PTPN13: variants seen among roughly 807,000 people sequenced by gnomAD.
The protein encoded by PTPN13 is tyrosine-protein phosphatase non-receptor type 13.
A neutral mutation model predicts 284.0 loss-of-function variants in PTPN13; 191 were observed. The observed-to-expected ratio is 0.67, with a 90% CI of 0.60 to 0.76. PTPN13 has a LOEUF of 0.76. Ranked by LOEUF, PTPN13 falls within the 30% of genes least tolerant of loss-of-function variation. The pLI, the probability that PTPN13 is intolerant of heterozygous loss-of-function variation, is 0.00. For synonymous variants in PTPN13, 986 were observed against 1,022.3 expected (o/e 0.96, Z 0.68); for missense variants, 2,797 against 2,939.9 (o/e 0.95, Z 1.12).
At chr4:86,779,398 C>CA (rs1307849305) in intron 35 of PTPN13, among the ~76,000 whole-genome samples, 1 of 143,940 alleles carries the variant, frequency 6.9e-6, no homozygotes, top group Non-Finnish European at 1.5e-5. Flanking sequence ...GCCTGGGTGA[C>CA]AGAGCAAGAC....
chr4:86,747,804 C>T (rs1000011765), intron 17 of PTPN13, among the ~76,000 whole-genome samples: 2 of 152,134 alleles, frequency 1.3e-5, no homozygotes, highest in Non-Finnish European at 2.9e-5. Flanking sequence ...TAACTGTCTG[C>T]CTGTTTATTT....
intron 6 of PTPN13, among the ~76,000 whole-genome samples, chr4:86,695,319 C>T (rs1379974663): frequency 1.3e-5 from 2 of 151,942 alleles, no homozygotes; most frequent in Non-Finnish European, 2.9e-5. Context: ...TCCTTTCTTG[C>T]AAATATTTCC....
chr4:86,716,258 A>C (rs1733003578), intron 7 of PTPN13, among the ~76,000 whole-genome samples: 1 of 152,184 alleles, frequency 6.6e-6, no homozygotes, highest in Non-Finnish European at 1.5e-5. Context: ...TTAAAAGAAG[A>C]GTCATGGGGA....
At chr4:86,615,905 A>C (rs1020965074) in intron 1 of PTPN13, among the ~76,000 whole-genome samples, 3 of 152,160 alleles carry the variant, frequency 2.0e-5, no homozygotes, top group Non-Finnish European at 4.4e-5. Flanking sequence ...TAGGCTCAAA[A>C]CTTAGGATTT....
At chr4:86,600,140 G>A (rs372730973) in intron 1 of PTPN13, among the ~76,000 whole-genome samples, 5 of 151,950 alleles carry the variant, frequency 3.3e-5, no homozygotes, top group African/African-American at 1.2e-4. Context: ...TTTCTTATAG[G>A]GGAAGGCATT....
chr4:86,606,774 T>G (rs916738093), intron 1 of PTPN13, among the ~76,000 whole-genome samples: 1 of 151,884 alleles, frequency 6.6e-6, no homozygotes, highest in Non-Finnish European at 1.5e-5. Flanking sequence ...CCTAGTTGAT[T>G]GCATAAAGTC....
chr4:86,766,869 G>A (rs1285827716), intron 27 of PTPN13, among the ~76,000 whole-genome samples: 1 of 152,158 alleles, frequency 6.6e-6, no homozygotes, highest in Non-Finnish European at 1.5e-5. Context: ...TTTTGTTGAA[G>A]TACATTTTGA....
At chr4:86,734,244 G>A in intron 12 of PTPN13, 59 bp from the exon 13 acceptor site, 11 of 1,269,684 alleles carry the variant, frequency 8.7e-6, no homozygotes, top group South Asian at 5.3e-5. Flanking sequence ...TGAAGAAATC[G>A]GAAGAAAACA....
chr4:86,604,480 T>C (rs1764581457), intron 1 of PTPN13, among the ~76,000 whole-genome samples: 1 of 152,042 alleles, frequency 6.6e-6, no homozygotes. Flanking sequence ...TACATTGGTT[T>C]GATTAGGCCA....
Position 86,639,390 on chromosome 4 carries a change from C to T in PTPN13, c.115+4019C>T, listed in dbSNP as rs1029905966. The stretch of plus-strand genomic sequence containing the variant: ...GACACACGCACACATATGTTTATTG[C>T]GGCACTATTCACAATAGCAAAGACT... On this transcript the variant is annotated intron_variant, in intron 2 of 47. Coordinates refer to ENST00000411767, the MANE Select transcript of PTPN13 (RefSeq NM_080683.3). Among the ~76,000 whole-genome samples, 31 of 152,178 alleles carry T rather than the reference C, an allele frequency of 2.0e-4. No homozygotes were observed. In the South Asian group the frequency reaches 4.1e-3, roughly 20 times the overall value.
Position 86,634,827 on chromosome 4 carries a change from A to G in PTPN13, c.-5-425A>G, listed in dbSNP as rs1180923966. Among the ~76,000 whole-genome samples, 4 of 152,162 alleles carry G rather than the reference A, an allele frequency of 2.6e-5. No individual in the cohort carries two copies. In the East Asian group the frequency reaches 7.7e-4, roughly 29 times the overall value. On this transcript the variant is annotated intron_variant, in intron 1 of 47. Transcript: ENST00000411767. Reference sequence around the variant, plus strand: ...CATCTTATTCCCAACTTCCCCTACCATGGCTGTAGGTTCTCCTCTCTATTT... The same window carrying G: ...CATCTTATTCCCAACTTCCCCTACCGTGGCTGTAGGTTCTCCTCTCTATTT...
Position 86,763,134 on chromosome 4 carries a change from T to A in PTPN13, c.3961T>A (p.Ser1321Thr). The A allele has an allele frequency of 6.2e-7, 1 of 1,613,756 alleles. No individual in the cohort carries two copies. The highest frequency in any genetic ancestry group is 8.5e-7 in the Non-Finnish European group (1 of 1,179,856). ...AACTGATTACTCAGACCGTGGAGATTCAGACATGGATGAAGCCACTTACTC... is the reference window on the plus strand; with the variant it reads ...AACTGATTACTCAGACCGTGGAGATACAGACATGGATGAAGCCACTTACTC... ...DVTDYSDRGD[S>T]DMDEATYSSS... Residue 1321 changes from serine (S) to threonine (T), a missense_variant, in exon 24 of 48, where the codon TCA (serine) becomes ACA (threonine). Ser to Thr is a moderately conservative substitution (Grantham distance 58). Coordinates refer to ENST00000411767, the MANE Select transcript of PTPN13 (RefSeq NM_080683.3).
intron 1 of PTPN13, among the ~76,000 whole-genome samples, chr4:86,603,278 C>G (rs114943730): frequency 6.6e-6 from 1 of 151,796 alleles, no homozygotes. Context: ...ATAACTTGTC[C>G]TTGTTTACCC....
At chr4:86,718,266 A>G (rs1733246379) in intron 9 of PTPN13, among the ~76,000 whole-genome samples, 2 of 152,188 alleles carry the variant, frequency 1.3e-5, no homozygotes, top group South Asian at 4.1e-4. Flanking sequence ...TACCAAATAG[A>G]AAAGAATCAT....
At chr4:86,770,257 A>G in intron 30 of PTPN13, 58 bp downstream of exon 30, 1 of 1,440,358 alleles carries the variant, frequency 6.9e-7, no homozygotes, top group Non-Finnish European at 9.6e-7. Context: ...GCAACTAACT[A>G]ATTCAGCTGT....
chr4:86,778,762 T>G (rs116050349), intron 35 of PTPN13, among the ~76,000 whole-genome samples: 1,528 of 152,276 alleles, frequency 0.01, 13 homozygotes, highest in Non-Finnish European at 0.015. Flanking sequence ...TTACCAAGGT[T>G]GTTGGCCCGG....
intron 2 of PTPN13, among the ~76,000 whole-genome samples, chr4:86,639,073 A>G (rs1306390427): frequency 2.0e-5 from 3 of 152,176 alleles, no homozygotes; most frequent in East Asian, 1.9e-4. Flanking sequence ...GACACATGAA[A>G]AAATGCTCAT....
At chr4:86,781,701 A>C (rs1026503190) in intron 36 of PTPN13, among the ~76,000 whole-genome samples, 8 of 151,734 alleles carry the variant, frequency 5.3e-5, no homozygotes, top group Admixed American at 2.0e-4. Context: ...CTTTTTCCTC[A>C]CACCTGTAAT....
chr4:86,701,319 G>GGA lies in PTPN13; in HGVS notation c.713_714insGA (p.Ser238ArgfsTer93). On this transcript the variant is annotated frameshift_variant, in exon 7 of 48. Transcript: ENST00000411767. LOFTEE classifies it high-confidence loss of function. ...CAGACCTTTCTTAACAAAGGGCTTA[G>GGA]TAAATCTATGGGATTTCTGTCCATC... 1 of 1,612,634 alleles carries GGA rather than the reference G, an allele frequency of 6.2e-7. No homozygotes were observed. The highest frequency in any genetic ancestry group is 8.5e-7 in the Non-Finnish European group (1 of 1,179,056).
Sources: gnomAD v4.1 joint callset for allele counts (sites outside exome capture counted in the v4.1 genomes callset) on GRCh38, gnomAD v4.1.1 for gene constraint, MANE v1.5 for transcripts, NCBI Gene and HGNC (gene_info 2026-07-23, HGNC 2026-07-21) for gene names.